The following PCGF3 variants were observed in gnomAD, a reference collection of about 807,000 sequenced individuals.
PCGF3 encodes polycomb group RING finger protein 3.
A neutral mutation model predicts 33.1 loss-of-function variants in PCGF3; 7 were observed. The ratio of observed to expected loss-of-function variants is 0.21; its 90% CI spans 0.12 to 0.40. PCGF3 has a LOEUF of 0.40. Ranked by LOEUF, PCGF3 falls within the 10% of genes least tolerant of loss-of-function variation. PCGF3 has a pLI of 1.00. For synonymous variants in PCGF3, 153 were observed against 121.3 expected (o/e 1.26, Z -1.72); for missense variants, 211 against 313.3 (o/e 0.67, Z 2.46).
At chr4:757,482 A>G (rs1181851174) in intron 8 of PCGF3, 1 of 152,264 alleles carries the variant, frequency 6.6e-6, no homozygotes, top group African/African-American at 2.4e-5. Flanking sequence ...CTTCCTCATT[A>G]AGCTCTATTT....
chr4:743,244 G>A (rs940976849), intron 6 of PCGF3, among the ~76,000 whole-genome samples: 2 of 152,228 alleles, frequency 1.3e-5, no homozygotes, highest in African/African-American at 2.4e-5. Flanking sequence ...TGGAGCAGCC[G>A]GTCTGCGACT....
At chr4:733,985 G>C in intron 4 of PCGF3, 196 bp downstream of exon 4, 1 of 1,551,272 alleles carries the variant, frequency 6.4e-7, no homozygotes, top group South Asian at 1.2e-5. Context: ...GGTGGTGTCA[G>C]AGCAGATGAG....
chr4:729,422 A>AG (rs1743460553), intron 1 of PCGF3, among the ~76,000 whole-genome samples: 4 of 151,898 alleles, frequency 2.6e-5, no homozygotes, highest in Admixed American at 2.6e-4. Flanking sequence ...CTCAAAAAAA[A>AG]AAAAAGAAAT....
At chr4:709,183 T>C (rs56011263) in intron 1 of PCGF3, among the ~76,000 whole-genome samples, 53,583 of 151,674 alleles carry the variant, frequency 0.35, 9,796 homozygotes, top group South Asian at 0.48. Flanking sequence ...TGGTGTGCCG[T>C]ACATTCCCCA....
exon 11 of PCGF3, chr4:766,055 C>T (rs1162051117): frequency 3.1e-6 from 5 of 1,614,160 alleles, no homozygotes; most frequent in South Asian, 1.1e-5. Context: ...TGCTGCACTA[C>T]AGACCCAAGA....
At chr4:760,792 C>T (rs1274899995) in intron 8 of PCGF3, among the ~76,000 whole-genome samples, 2 of 152,250 alleles carry the variant, frequency 1.3e-5, no homozygotes, top group African/African-American at 2.4e-5. Context: ...TTAACAGTCA[C>T]TTTTTATCCT....
chr4:761,840 G>A lies in PCGF3; in HGVS notation c.600+424G>A, dbSNP rs530884804. 3.9e-5 allele frequency: 38 copies of A among 985,440 alleles called. No homozygotes were observed. The African/African-American group carries it at 5.2e-4, about 14-fold the overall frequency. 61.0% of individuals were successfully genotyped at this position (985,440 alleles called of 1,614,324 possible). A position where few individuals can be genotyped will look rare whatever the true frequency, so the allele number is the denominator to read the frequency against. Reference sequence around the variant, plus strand: ...TTGGCAGCGGGCGCACCATGAACATGCCAGTGTGGGTCCCTGTGAGCCCCC... The same window carrying A: ...TTGGCAGCGGGCGCACCATGAACATACCAGTGTGGGTCCCTGTGAGCCCCC... On this transcript the variant is annotated intron_variant, in intron 9 of 10. Coordinates refer to ENST00000362003, the Ensembl canonical transcript of PCGF3.
At chr4:765,443 A>T (rs1745312632) in intron 10 of PCGF3, among the ~76,000 whole-genome samples, 1 of 152,260 alleles carries the variant, frequency 6.6e-6, no homozygotes, top group Admixed American at 6.5e-5. Flanking sequence ...AAAAAAAAAA[A>T]AAAAGTGATG....
chr4:706,542 G>A (rs1236604785), intron 1 of PCGF3, among the ~76,000 whole-genome samples: 1 of 144,692 alleles, frequency 6.9e-6, no homozygotes, highest in African/African-American at 2.6e-5. Flanking sequence ...GACCAGGCAG[G>A]ACCCAGGGAG....
At chr4:758,616 TC>T in intron 8 of PCGF3, among the ~76,000 whole-genome samples, 1 of 124,266 alleles carries the variant, frequency 8.0e-6, no homozygotes, top group African/African-American at 3.1e-5. Flanking sequence ...CGACTCCAGT[TC>T]TTTCTCCCCG....
chr4:733,961 C>T (rs757014379), intron 4 of PCGF3, 172 bp downstream of exon 4: 21 of 1,551,616 alleles, frequency 1.4e-5, no homozygotes, highest in East Asian at 2.4e-5. Flanking sequence ...TCATTTCACG[C>T]TAAAGGTCCT....
At chr4:765,681 GGA>G (rs1306060840) in intron 10 of PCGF3, among the ~76,000 whole-genome samples, 10 of 152,192 alleles carry the variant, frequency 6.6e-5, no homozygotes, top group African/African-American at 4.8e-5. Flanking sequence ...TGCTGCCTGG[GGA>G]GAGGGGGAGG....
intron 6 of PCGF3, among the ~76,000 whole-genome samples, chr4:740,834 C>T (rs371653258): frequency 2.0e-5 from 3 of 152,200 alleles, no homozygotes; most frequent in East Asian, 1.9e-4. Flanking sequence ...TAAGCCCGTC[C>T]GTGGTGCAGC....
chr4:752,693 A>ACC (rs988763001), intron 8 of PCGF3, among the ~76,000 whole-genome samples: 7 of 151,872 alleles, frequency 4.6e-5, no homozygotes, highest in African/African-American at 1.7e-4. Flanking sequence ...ATGGACTTCG[A>ACC]CCCCTGTGTG....
intron 1 of PCGF3, among the ~76,000 whole-genome samples, chr4:708,651 C>A (rs1742436654): frequency 6.6e-6 from 1 of 152,242 alleles, no homozygotes; most frequent in Non-Finnish European, 1.5e-5. Flanking sequence ...GGGCTGCTGT[C>A]CTGTCCTTGC....
At chr4:726,737 T>C (rs932989959) in intron 1 of PCGF3, among the ~76,000 whole-genome samples, 1 of 152,162 alleles carries the variant, frequency 6.6e-6, no homozygotes, top group Admixed American at 6.5e-5. Flanking sequence ...CTTTTTTTTT[T>C]CTAATTTCAC....
At chr4:719,153 C>T (rs1742975561) in intron 1 of PCGF3, among the ~76,000 whole-genome samples, 1 of 152,050 alleles carries the variant, frequency 6.6e-6, no homozygotes, top group African/African-American at 2.4e-5. Flanking sequence ...CGGTGTTTCA[C>T]CATGTTGGTC....
chr4:759,973 C>G (rs920558383), intron 8 of PCGF3, among the ~76,000 whole-genome samples: 1 of 152,110 alleles, frequency 6.6e-6, no homozygotes, highest in African/African-American at 2.4e-5. Flanking sequence ...CCCGAGTTCT[C>G]TCTCCAGACT....
At chr4:734,590 G>A in intron 4 of PCGF3, 1 of 1,168,212 alleles carries the variant, frequency 8.6e-7, no homozygotes, top group Non-Finnish European at 1.1e-6. Flanking sequence ...TCATCTTTTA[G>A]GACAAAGTAT....
Sources: allele counts gnomAD v4.1 joint callset (sites outside exome capture counted in the v4.1 genomes callset), GRCh38; gene constraint gnomAD v4.1.1; transcripts MANE v1.5; gene names NCBI Gene and HGNC (gene_info 2026-07-23, HGNC 2026-07-21).